CEP162: variants seen among roughly 807,000 people sequenced by gnomAD.
CEP162 encodes centrosomal protein 162, also known as centrosomal protein of 162 kDa.
Under a neutral mutation model 169.2 loss-of-function variants are expected in CEP162, and 141 were observed. The observed-to-expected ratio is 0.83, with a 90% CI of 0.73 to 0.96. The LOEUF is 0.96. CEP162 is among the 40% of genes least tolerant of loss of function. CEP162 has a pLI of 0.00. For synonymous variants in CEP162, 540 were observed against 526.4 expected (o/e 1.03, Z -0.35); for missense variants, 1,600 against 1,587.2 (o/e 1.01, Z -0.14).
chr6:84,130,751 CTTCT>C (rs568135393), intron 25 of CEP162, among the ~76,000 whole-genome samples: 80 of 152,120 alleles, frequency 5.3e-4, no homozygotes, highest in African/African-American at 1.4e-3. Flanking sequence ...TCTCTCTTCT[CTTCT>C]TTATTAATTT....
chr6:84,183,043 A>C (rs2099535594), intron 13 of CEP162, among the ~76,000 whole-genome samples: 1 of 152,180 alleles, frequency 6.6e-6, no homozygotes, highest in Admixed American at 6.5e-5. Context: ...TTCAATAAAA[A>C]ACAGAGATTA....
Position 84,124,942 on chromosome 6 carries a change from G to T in CEP162, c.*128C>A, listed in dbSNP as rs1008003355. 3 of 719,846 alleles carry T rather than the reference G, an allele frequency of 4.2e-6. No individual in the cohort carries two copies. Among genetic ancestry groups the T allele is most frequent in the Non-Finnish European group, 7.0e-6 (3 of 430,886 alleles). The allele number at this position is 719,846 out of a possible 1,614,324, so 44.6% of individuals were successfully genotyped here. A position where few individuals can be genotyped will look rare whatever the true frequency, so the allele number is the denominator to read the frequency against. ...GGTTAAAGGCAATTTATTTTGAAAT[G>T]TTGCTTTGGTTGTTTGCTTTCTGGA... On this transcript the variant is annotated 3_prime_UTR_variant, in exon 27 of 27. Coordinates refer to ENST00000403245, the MANE Select transcript of CEP162 (RefSeq NM_014895.4).
At chr6:84,175,879 A>C (rs2099532214) in intron 13 of CEP162, among the ~76,000 whole-genome samples, 1 of 152,114 alleles carries the variant, frequency 6.6e-6, no homozygotes, top group South Asian at 2.1e-4. Flanking sequence ...ATCAGATTTT[A>C]AAAGATTAAC....
At chr6:84,130,043 C>G (rs1290051314) in intron 25 of CEP162, among the ~76,000 whole-genome samples, 3 of 152,130 alleles carry the variant, frequency 2.0e-5, no homozygotes, top group Non-Finnish European at 4.4e-5. Flanking sequence ...CCATCAATAC[C>G]TAGTTTGTTG....
chr6:84,152,481 G>A (rs748217597), intron 23 of CEP162, 64 bp downstream of exon 23: 18 of 860,938 alleles, frequency 2.1e-5, no homozygotes, highest in Non-Finnish European at 2.3e-5. Context: ...GAAATATATC[G>A]TATAATTTTT....
intron 25 of CEP162, among the ~76,000 whole-genome samples, chr6:84,136,452 A>G (rs1327171146): frequency 6.6e-6 from 1 of 152,212 alleles, no homozygotes; most frequent in East Asian, 1.9e-4. Context: ...CACTCCTGTG[A>G]TAACTAACCC....
intron 25 of CEP162, among the ~76,000 whole-genome samples, chr6:84,143,004 G>C (rs1364632149): frequency 2.0e-5 from 3 of 151,888 alleles, no homozygotes; most frequent in Admixed American, 6.6e-5. Flanking sequence ...ATATTAGTGG[G>C]ATAAAATTTA....
At chr6:84,219,908 A>C (rs1370881232) in intron 3 of CEP162, among the ~76,000 whole-genome samples, 1 of 152,174 alleles carries the variant, frequency 6.6e-6, no homozygotes, top group African/African-American at 2.4e-5. Flanking sequence ...AGGAGAAACT[A>C]ATTGTGACAA....
chr6:84,159,543 ATATATTTTTTTTTTTTT>A (rs1562025520), intron 21 of CEP162, among the ~76,000 whole-genome samples: 535 of 40,904 alleles, frequency 0.013, 9 homozygotes, highest in African/African-American at 0.052. Flanking sequence ...ATATATATAT[ATATATTTTTTTTTTTTT>A]TTTTTTTTTT....
At chr6:84,225,130 C>G (rs1362835513) in intron 2 of CEP162, among the ~76,000 whole-genome samples, 1 of 152,112 alleles carries the variant, frequency 6.6e-6, no homozygotes, top group Non-Finnish European at 1.5e-5. Flanking sequence ...CTTGAATGCT[C>G]TACAAGGCCC....
chr6:84,223,476 G>A (rs908012026), intron 2 of CEP162, among the ~76,000 whole-genome samples: 1 of 151,512 alleles, frequency 6.6e-6, no homozygotes, highest in African/African-American at 2.4e-5. Flanking sequence ...TCCAGCCTGG[G>A]TGACAGAGCA....
chr6:84,220,698 GGTTT>G (rs948309155), intron 3 of CEP162, among the ~76,000 whole-genome samples: 2 of 151,954 alleles, frequency 1.3e-5, no homozygotes, highest in African/African-American at 4.8e-5. Context: ...AAGGTCTATA[GGTTT>G]GTTAAACTCT....
At chr6:84,193,090 A>G (rs1588845307) in intron 11 of CEP162, among the ~76,000 whole-genome samples, 1 of 152,240 alleles carries the variant, frequency 6.6e-6, no homozygotes, top group Admixed American at 6.5e-5. Context: ...AACGCTGTCT[A>G]TTACAAGGTT....
intron 6 of CEP162, among the ~76,000 whole-genome samples, chr6:84,211,526 C>CA (rs960472453): frequency 0.032 from 1,115 of 34,614 alleles, 31 homozygotes; most frequent in East Asian, 0.063. Flanking sequence ...GATTCTATCT[C>CA]AAAAAAAAAA....
In CEP162 at chr6:84,151,771, G is replaced by A. The variant is rs568120183; in HGVS notation, c.3629+774C>T. Reference sequence around the variant, plus strand: ...AGCAGCCAAGCCACAGAGGTTAAGGGGAGAAGCCATTTCAGGAAAAGTAGT... The same window carrying A: ...AGCAGCCAAGCCACAGAGGTTAAGGAGAGAAGCCATTTCAGGAAAAGTAGT... On this transcript the variant is annotated intron_variant, in intron 23 of 26. Coordinates refer to ENST00000403245, the MANE Select transcript of CEP162 (RefSeq NM_014895.4). Among the ~76,000 whole-genome samples the A allele has an allele frequency of 5.3e-5, 8 of 152,122 alleles. No homozygotes were observed. In the East Asian group the frequency reaches 1.2e-3, roughly 22 times the overall value.
chr6:84,147,180 T>C (rs1311415249), intron 24 of CEP162, among the ~76,000 whole-genome samples: 1 of 152,112 alleles, frequency 6.6e-6, no homozygotes, highest in East Asian at 1.9e-4. Flanking sequence ...AATAATGTCA[T>C]ACGCAGTTAA....
chr6:84,202,002 T>C (rs1457882381), intron 7 of CEP162, among the ~76,000 whole-genome samples: 1 of 152,216 alleles, frequency 6.6e-6, no homozygotes, highest in African/African-American at 2.4e-5. Context: ...ATTACCAAAA[T>C]TAATTTAGAC....
At chr6:84,133,843 C>T (rs1388829710) in intron 25 of CEP162, among the ~76,000 whole-genome samples, 1 of 152,182 alleles carries the variant, frequency 6.6e-6, no homozygotes, top group Non-Finnish European at 1.5e-5. Flanking sequence ...CCTGCTTCGG[C>T]TCACACTCCT....
At chr6:84,197,409 G>A (rs1310008090) in intron 9 of CEP162, among the ~76,000 whole-genome samples, 1 of 151,984 alleles carries the variant, frequency 6.6e-6, no homozygotes, top group Admixed American at 6.6e-5. Context: ...TTTTTTCCAT[G>A]CATATCATGA....
Sources: gnomAD v4.1 joint callset for allele counts (sites outside exome capture counted in the v4.1 genomes callset) on GRCh38, gnomAD v4.1.1 for gene constraint, MANE v1.5 for transcripts, NCBI Gene and HGNC (gene_info 2026-07-23, HGNC 2026-07-21) for gene names.